Variants in NPC1 observed in about 807,000 individuals in gnomAD.
NPC1 encodes the protein NPC intracellular cholesterol transporter 1, also known as Niemann-Pick C1 protein.
NPC1 carries 85 observed loss-of-function variants against 140.4 expected under a neutral mutation model. That is an observed-to-expected ratio of 0.61 (90% CI 0.51 to 0.72). The LOEUF (loss-of-function observed/expected upper bound fraction) is 0.72, where lower values mean the gene tolerates loss of function less well. Ranked by LOEUF, NPC1 falls within the 30% of genes least tolerant of loss-of-function variation. The pLI is 0.00. For missense variants in NPC1, 1,504 were observed against 1,623.8 expected (o/e 0.93, Z 1.27); for synonymous variants, 656 against 624.8 (o/e 1.05, Z -0.74).
intron 24 of NPC1, chr18:23,533,043 C>T (rs1449716809): frequency 1.7e-5 from 12 of 695,946 alleles, no homozygotes; most frequent in Non-Finnish European, 2.1e-5. Flanking sequence ...TCCTTCATCT[C>T]AGTGGCAGGG....
At chr18:23,559,320 G>A (rs1474617662) in intron 6 of NPC1, among the ~76,000 whole-genome samples, 1 of 151,942 alleles carries the variant, frequency 6.6e-6, no homozygotes, top group African/African-American at 2.4e-5. Flanking sequence ...GGGGAAACTG[G>A]GTTAAGGATA....
At chr18:23,524,280 G>C in intron 1 of NPC1, 2 of 1,508,904 alleles carry the variant, frequency 1.3e-6, no homozygotes. Context: ...CACTCCGAGA[G>C]CCACCCCGCA....
At chr18:23,562,369 C>T (rs1230362281) in intron 4 of NPC1, among the ~76,000 whole-genome samples, 3 of 151,658 alleles carry the variant, frequency 2.0e-5, no homozygotes, top group African/African-American at 7.3e-5. Context: ...ATACACACAA[C>T]ACATTATATA....
At position 23,539,900 on chromosome 18, in the gene NPC1, G is replaced by A. The variant is rs2058688184; in HGVS notation, c.2706C>T (p.Ser902=). Residue 902 remains serine, a synonymous_variant, in exon 18 of 25, where the codon TCC becomes TCT. Coordinates refer to ENST00000269228, the MANE Select transcript of NPC1 (RefSeq NM_000271.5). ...VLEEGHDYTS[S]KGQNMVCGGM... ...CGCCGCACACCATGTTCTGCCCCTT[G>A]GAAGAAGTGTAGTCGTGCCCTTCCT... 1 of 1,614,182 alleles carries A rather than the reference G, an allele frequency of 6.2e-7. No individual in the cohort carries two copies.
At chr18:23,563,312 T>C (rs1379483305) in intron 4 of NPC1, among the ~76,000 whole-genome samples, 1 of 152,252 alleles carries the variant, frequency 6.6e-6, no homozygotes, top group Non-Finnish European at 1.5e-5. Context: ...TTGGCTATTA[T>C]CAGTAATGCT....
chr18:23,554,721 G>A (rs370814007), intron 9 of NPC1, 37 bp downstream of exon 9: 10 of 1,532,710 alleles, frequency 6.5e-6, no homozygotes, highest in Non-Finnish European at 9.0e-6. Flanking sequence ...TCAGACCCAA[G>A]AATGGTGTCT....
Position 23,586,477 on chromosome 18 carries a change from G to A in NPC1, c.-134C>T, listed in dbSNP as rs1014622621. ...AGGAGCAGGAGCAGGCGCTGACCGC[G>A]GCAGCAGGCTGCGCGCGCCGGTCAG... On this transcript the variant is annotated 5_prime_UTR_variant, in exon 1 of 25. Transcript: ENST00000269228. 9.1e-6 allele frequency: 13 copies of A among 1,436,236 alleles called. No homozygotes were observed. In the African/African-American group the frequency reaches 1.5e-4, roughly 17 times the overall value. 89.0% of individuals were successfully genotyped at this position (1,436,236 alleles called of 1,614,324 possible). A position where few individuals can be genotyped will look rare whatever the true frequency, so the allele number is the denominator to read the frequency against.
At chr18:23,560,603 T>A in intron 5 of NPC1, 123 bp from the exon 6 acceptor site, 1 of 1,044,940 alleles carries the variant, frequency 9.6e-7, no homozygotes, top group Non-Finnish European at 1.4e-6. Context: ...GAAAAAGAAT[T>A]GGAGGTTTTA....
Position 23,560,359 on chromosome 18 carries a change from G to T in NPC1, c.753C>A (p.Pro251=). ...AGGGAGCAGGAGGAGGTGGGGGCTG[G>T]GGCTTGGGGCCACAGACAATAGAGC... is the stretch of plus-strand genomic sequence containing the variant. ...QDCSIVCGPK[P]QPPPPPAPWT... Residue 251 remains proline (P), a synonymous_variant, in exon 6 of 25, where the codon CCC becomes CCA. Coordinates refer to ENST00000269228, the MANE Select transcript of NPC1 (RefSeq NM_000271.5). 1.1e-5 allele frequency: 18 copies of T among 1,614,216 alleles called. No individual in the cohort carries two copies. The highest frequency in any genetic ancestry group is 1.5e-5 in the Non-Finnish European group (18 of 1,180,046).
At chr18:23,507,434 C>T (rs1405470025) in intron 3 of NPC1, among the ~76,000 whole-genome samples, 2 of 152,116 alleles carry the variant, frequency 1.3e-5, no homozygotes, top group African/African-American at 4.8e-5. Context: ...TTTTGTATTG[C>T]TTGATAGCAG....
chr18:23,530,340 T>C, downstream of NPC1: 1 of 1,613,998 alleles, frequency 6.2e-7, no homozygotes, highest in Non-Finnish European at 8.5e-7. Context: ...AAACTAACTC[T>C]GTTCCTGTTG....
At chr18:23,562,112 A>AC (rs2059049869) in intron 4 of NPC1, among the ~76,000 whole-genome samples, 1 of 152,002 alleles carries the variant, frequency 6.6e-6, no homozygotes, top group Non-Finnish European at 1.5e-5. Context: ...ACACAGTGAA[A>AC]CCCCATCTCT....
intron 11 of NPC1, among the ~76,000 whole-genome samples, chr18:23,545,624 C>T (rs2058778833): frequency 6.6e-6 from 1 of 152,350 alleles, no homozygotes; most frequent in Admixed American, 6.5e-5. Context: ...TAGAGTCTCT[C>T]TCTGTTGCCT....
At chr18:23,561,565 G>A in intron 4 of NPC1, 38 bp from the exon 5 acceptor site, 1 of 1,605,900 alleles carries the variant, frequency 6.2e-7, no homozygotes, top group South Asian at 1.1e-5. Context: ...GAGACAAGAT[G>A]CTTGCTGTAA....
At chr18:23,516,914 C>T (rs2058023521) in intron 3 of NPC1, among the ~76,000 whole-genome samples, 1 of 151,850 alleles carries the variant, frequency 6.6e-6, no homozygotes, top group African/African-American at 2.4e-5. Context: ...TTGGTAGAGA[C>T]AGGGCTTCAC....
At chr18:23,529,619 A>AT (rs760109984), downstream of NPC1, 16 of 1,610,892 alleles carry the variant, frequency 9.9e-6, no homozygotes, top group South Asian at 1.2e-4. Flanking sequence ...GTAAGACCAC[A>AT]TTTTTTTCTC....
chr18:23,533,281 G>C, intron 24 of NPC1, 74 bp downstream of exon 24: 1 of 1,384,248 alleles, frequency 7.2e-7, no homozygotes, highest in Non-Finnish European at 1.0e-6. Context: ...TACTTGAAAA[G>C]AATGCCTCAG....
chr18:23,562,474 C>A (rs2510340), intron 4 of NPC1, among the ~76,000 whole-genome samples: 1 of 151,358 alleles, frequency 6.6e-6, no homozygotes, highest in Non-Finnish European at 1.5e-5. Flanking sequence ...TAGAAACTTC[C>A]CAGGATCTTC....
chr18:23,558,544 ACTTT>A (rs1163218807), intron 6 of NPC1, among the ~76,000 whole-genome samples: 3 of 152,216 alleles, frequency 2.0e-5, no homozygotes, highest in Non-Finnish European at 2.9e-5. Flanking sequence ...AGACTGAGGA[ACTTT>A]CTGTCACAGA....
Sources: allele counts gnomAD v4.1 joint callset (sites outside exome capture counted in the v4.1 genomes callset), GRCh38; gene constraint gnomAD v4.1.1; transcripts MANE v1.5; gene names NCBI Gene and HGNC (gene_info 2026-07-23, HGNC 2026-07-21).